The following BMPER variants were observed in gnomAD, a reference collection of about 807,000 sequenced individuals.
The protein encoded by BMPER is BMP-binding endothelial regulator protein.
Under a neutral mutation model 87.3 loss-of-function variants are expected in BMPER, and 45 were observed. The observed-to-expected ratio is 0.52, with a 90% CI of 0.41 to 0.66. The LOEUF is 0.66. Ranked by LOEUF, BMPER falls within the 30% of genes least tolerant of loss-of-function variation. The probability of loss-of-function intolerance (pLI) is 0.00; values close to 1 mark genes in which losing one functional copy is unlikely to be tolerated. For synonymous variants in BMPER, 326 were observed against 316.2 expected (o/e 1.03, Z -0.33); for missense variants, 784 against 867.5 (o/e 0.90, Z 1.21).
chr7:34,065,156 C>A (rs1241347909), intron 11 of BMPER, among the ~76,000 whole-genome samples: 1 of 151,926 alleles, frequency 6.6e-6, no homozygotes, highest in African/African-American at 2.4e-5. Context: ...TATTAAAACA[C>A]ATACACTCTC....
chr7:34,025,858 T>G (rs1442706325), intron 6 of BMPER, among the ~76,000 whole-genome samples: 1 of 151,972 alleles, frequency 6.6e-6, no homozygotes, highest in African/African-American at 2.4e-5. Context: ...AAACTGCCTG[T>G]TCGTTTTTTG....
chr7:33,926,360 C>T (rs1459302257), intron 2 of BMPER, among the ~76,000 whole-genome samples: 9 of 152,064 alleles, frequency 5.9e-5, no homozygotes, highest in African/African-American at 9.7e-5. Context: ...TTCTGGAAGC[C>T]GTTTTGTGAT....
chr7:34,138,385 C>G (rs534993434), intron 13 of BMPER, among the ~76,000 whole-genome samples: 1 of 152,132 alleles, frequency 6.6e-6, no homozygotes, highest in African/African-American at 2.4e-5. Flanking sequence ...ACATGACACA[C>G]AAACATCAAA....
intron 11 of BMPER, among the ~76,000 whole-genome samples, chr7:34,064,006 G>C (rs1041315987): frequency 3.3e-5 from 5 of 152,242 alleles, no homozygotes; most frequent in Non-Finnish European, 1.5e-5. Context: ...CATATGACCA[G>C]CCAGGCGCAG....
intron 14 of BMPER, among the ~76,000 whole-genome samples, chr7:34,149,974 A>T (rs1562774305): frequency 6.6e-6 from 1 of 152,200 alleles, no homozygotes; most frequent in Non-Finnish European, 1.5e-5. Flanking sequence ...TAGGGAGAAG[A>T]TTAATTTGCT....
intron 6 of BMPER, among the ~76,000 whole-genome samples, chr7:34,003,716 T>A (rs2127936684): frequency 6.6e-6 from 1 of 152,222 alleles, no homozygotes; most frequent in South Asian, 2.1e-4. Flanking sequence ...TACATGTTGA[T>A]TTATAGTTTA....
intron 3 of BMPER, among the ~76,000 whole-genome samples, chr7:33,957,804 G>A (rs945994451): frequency 1.3e-5 from 2 of 152,100 alleles, no homozygotes; most frequent in African/African-American, 4.8e-5. Context: ...GAGTGATGGT[G>A]GAATATTTTT....
chr7:34,059,693 A>G (rs923905137), intron 10 of BMPER, among the ~76,000 whole-genome samples: 21 of 149,778 alleles, frequency 1.4e-4, no homozygotes, highest in Admixed American at 6.7e-5. Flanking sequence ...TACCATGGAA[A>G]TCTTGTTAAA....
At chr7:34,004,710 T>C (rs1786678837) in intron 6 of BMPER, among the ~76,000 whole-genome samples, 1 of 152,162 alleles carries the variant, frequency 6.6e-6, no homozygotes, top group Non-Finnish European at 1.5e-5. Flanking sequence ...GATAGAGATT[T>C]CCGTAAATGT....
chr7:34,091,234 G>A (rs1789372420), intron 13 of BMPER, among the ~76,000 whole-genome samples: 1 of 152,164 alleles, frequency 6.6e-6, no homozygotes, highest in African/African-American at 2.4e-5. Context: ...CAGGCAAGGG[G>A]TACAGACTTT....
At chr7:33,966,138 A>G (rs1418952238) in intron 3 of BMPER, among the ~76,000 whole-genome samples, 1 of 152,160 alleles carries the variant, frequency 6.6e-6, no homozygotes, top group African/African-American at 2.4e-5. Flanking sequence ...CCCTTTTAAT[A>G]GTGGTGTTTT....
At chr7:34,086,320 A>G (rs1038592119) in intron 13 of BMPER, among the ~76,000 whole-genome samples, 1 of 152,184 alleles carries the variant, frequency 6.6e-6, no homozygotes, top group African/African-American at 2.4e-5. Context: ...AGGCAATTCC[A>G]TGCTTTTATA....
intron 6 of BMPER, among the ~76,000 whole-genome samples, chr7:34,028,602 T>TTTTTTTTTTTTG (rs1787433922): frequency 8.5e-5 from 2 of 23,484 alleles, no homozygotes; most frequent in Non-Finnish European, 1.9e-4. Context: ...ATTTTTTCTG[T>TTTTTTTTTTTTG]TTTTTTTTTT....
chr7:34,016,009 TGAGAGA>T (rs369910321), intron 6 of BMPER, among the ~76,000 whole-genome samples: 2 of 142,676 alleles, frequency 1.4e-5, no homozygotes, highest in Non-Finnish European at 3.1e-5. Context: ...AGAGAGAGAG[TGAGAGA>T]GAGAGAGAGA....
intron 2 of BMPER, among the ~76,000 whole-genome samples, chr7:33,932,464 G>GT (rs1268923882): frequency 6.6e-6 from 1 of 152,230 alleles, no homozygotes; most frequent in African/African-American, 2.4e-5. Context: ...TGCCTCCCAG[G>GT]CAGGCTTTGC....
intron 6 of BMPER, among the ~76,000 whole-genome samples, chr7:33,998,555 G>A (rs761545413): frequency 2.1e-4 from 32 of 152,194 alleles, no homozygotes; most frequent in Admixed American, 9.8e-4. Context: ...TTTACTGGGG[G>A]CAGATTGGAT....
At chr7:34,124,655 T>A (rs748235179) in intron 13 of BMPER, among the ~76,000 whole-genome samples, 4 of 152,176 alleles carry the variant, frequency 2.6e-5, no homozygotes, top group Non-Finnish European at 4.4e-5. Context: ...GCATATTATT[T>A]GTTTTCTTGT....
intron 2 of BMPER, among the ~76,000 whole-genome samples, chr7:33,933,761 C>G: frequency 6.6e-6 from 1 of 152,140 alleles, no homozygotes; most frequent in East Asian, 1.9e-4. Context: ...CCAATCTCCC[C>G]TGGGGCCTGA....
intron 6 of BMPER, among the ~76,000 whole-genome samples, chr7:33,989,735 T>A (rs1383869558): frequency 6.6e-6 from 1 of 152,174 alleles, no homozygotes; most frequent in East Asian, 1.9e-4. Context: ...CTTCTAGGGT[T>A]TTTATGGTTT....
Sources: allele counts gnomAD v4.1 joint callset (sites outside exome capture counted in the v4.1 genomes callset), GRCh38; gene constraint gnomAD v4.1.1; transcripts MANE v1.5; gene names NCBI Gene and HGNC (gene_info 2026-07-23, HGNC 2026-07-21).